The following SYT9 variants were observed in gnomAD, a reference collection of about 807,000 sequenced individuals.
SYT9 encodes synaptotagmin 9.
SYT9 carries 22 observed loss-of-function variants against 48.4 expected under a neutral mutation model. That is an observed-to-expected ratio of 0.45 (90% CI 0.32 to 0.65). The LOEUF (loss-of-function observed/expected upper bound fraction) is 0.65. Ranked by LOEUF, SYT9 falls within the 30% of genes least tolerant of loss-of-function variation. SYT9 has a pLI of 0.03. For synonymous variants in SYT9, 265 were observed against 245.0 expected, an observed-to-expected ratio of 1.08 and a Z score of -0.76; for missense variants, 577 against 622.0, an observed-to-expected ratio of 0.93 and a Z score of 0.77.
At chr11:7,284,796 C>A (rs777221572) in intron 1 of SYT9, among the ~76,000 whole-genome samples, 1 of 152,064 alleles carries the variant, frequency 6.6e-6, no homozygotes, top group Non-Finnish European at 1.5e-5. Flanking sequence ...CTTCAGGGAG[C>A]CTTCTAGGTT....
At chr11:7,249,181 G>A (rs961121506), upstream of SYT9, among the ~76,000 whole-genome samples, 35 of 152,116 alleles carry the variant, frequency 2.3e-4, no homozygotes, top group African/African-American at 8.2e-4. Flanking sequence ...AGAATTTACA[G>A]TTCACTCTAT....
chr11:7,423,503 A>T (rs1221972458), intron 6 of SYT9, among the ~76,000 whole-genome samples: 2 of 152,188 alleles, frequency 1.3e-5, no homozygotes, highest in Non-Finnish European at 2.9e-5. Flanking sequence ...TCATCTGTAA[A>T]GTGGCCATAA....
intron 1 of SYT9, among the ~76,000 whole-genome samples, chr11:7,240,144 C>T (rs1017544389): frequency 6.6e-6 from 1 of 152,010 alleles, no homozygotes; most frequent in Non-Finnish European, 1.5e-5. Context: ...GAGAGTAGTC[C>T]GTGAGAAAAG....
intron 3 of SYT9, among the ~76,000 whole-genome samples, chr11:7,332,205 T>A (rs758304524): frequency 3.5e-4 from 54 of 152,148 alleles, no homozygotes; most frequent in Non-Finnish European, 5.3e-4. Flanking sequence ...CAAGGAGCTC[T>A]GGAGCGTGAA....
intron 3 of SYT9, among the ~76,000 whole-genome samples, chr11:7,346,899 T>C (rs1426264872): frequency 6.6e-6 from 1 of 152,244 alleles, no homozygotes; most frequent in Admixed American, 6.5e-5. Flanking sequence ...CTTGCAATTT[T>C]TATATGGTTG....
chr11:7,461,054 T>C (rs1848226942), intron 6 of SYT9, among the ~76,000 whole-genome samples: 1 of 152,120 alleles, frequency 6.6e-6, no homozygotes, highest in Non-Finnish European at 1.5e-5. Context: ...CTGGTTGGCT[T>C]CTGCTTGCTG....
rs759325666 is a variant in SYT9 at position 7,303,149 on chromosome 11, G to C, written c.256G>C (p.Gly86Arg). The change falls in exon 2 of 7, where the codon GGC (glycine) becomes CGC (arginine). Residue 86 changes from glycine to arginine, a missense_variant. Physicochemically the swap from Gly to Arg is moderately radical, Grantham distance 125. Transcript: ENST00000318881. ...KLCWVPWRERGLPSGSKDNNQ... is the reference protein window; with the variant it reads ...KLCWVPWRERRLPSGSKDNNQ... Reference sequence around the variant, plus strand: ...CTGCTGGGTTCCGTGGCGAGAACGAGGCCTGCCCTCTGGTAGCAAAGACAA... The same window carrying C: ...CTGCTGGGTTCCGTGGCGAGAACGACGCCTGCCCTCTGGTAGCAAAGACAA... 6.2e-7 allele frequency: 1 copy of C among 1,614,160 alleles called. No individual in the cohort carries two copies. The highest frequency in any genetic ancestry group is 8.5e-7 in the Non-Finnish European group (1 of 1,180,036).
chr11:7,250,282 T>C (rs16923875), upstream of SYT9, among the ~76,000 whole-genome samples: 7,375 of 152,312 alleles, frequency 0.048, 306 homozygotes, highest in East Asian at 0.15. Flanking sequence ...AATCAGCTAA[T>C]GCCTTTGGCC....
intron 3 of SYT9, among the ~76,000 whole-genome samples, chr11:7,375,380 G>A (rs1850434506): frequency 6.6e-6 from 1 of 152,066 alleles, no homozygotes; most frequent in Non-Finnish European, 1.5e-5. Flanking sequence ...TTTTTGTTTA[G>A]GATTGTCTTG....
intron 3 of SYT9, among the ~76,000 whole-genome samples, chr11:7,345,864 T>C (rs10769780): frequency 0.24 from 37,131 of 152,192 alleles, 5,066 homozygotes; most frequent in Non-Finnish European, 0.31. Flanking sequence ...AGAATACTAA[T>C]GTTTAGACTT....
rs191475666 is a variant in SYT9, at chr11:7,345,839, A to T, written c.1044+31898A>T. Among the ~76,000 whole-genome samples the T allele has an allele frequency of 2.2e-3, 335 of 152,374 alleles. 3 individuals are homozygous for T. The highest frequency in any genetic ancestry group is 1.4e-3 in the Non-Finnish European group (93 of 68,030). ...GTAGAGTGATAAAAGAGGAGGACAG[A>T]GGTCCAGTTTTTGAAGAATACTAAT... On this transcript the variant is annotated intron_variant, in intron 3 of 6. Transcript: ENST00000318881.
intron 3 of SYT9, among the ~76,000 whole-genome samples, chr11:7,384,149 A>G (rs779777698): frequency 2.0e-5 from 3 of 151,980 alleles, no homozygotes; most frequent in Admixed American, 6.6e-5. Flanking sequence ...ACTTGTGGAG[A>G]TAATTATTCA....
At chr11:7,450,864 A>G (rs965251680) in intron 6 of SYT9, among the ~76,000 whole-genome samples, 2 of 152,238 alleles carry the variant, frequency 1.3e-5, no homozygotes, top group Non-Finnish European at 2.9e-5. Context: ...CTTTGAAGAC[A>G]CAGCTATACC....
At chr11:7,328,889 G>T (rs566601260) in intron 3 of SYT9, among the ~76,000 whole-genome samples, 7 of 152,002 alleles carry the variant, frequency 4.6e-5, no homozygotes, top group African/African-American at 1.7e-4. Flanking sequence ...TTTTTTCTCA[G>T]TATCTATTCT....
intron 3 of SYT9, among the ~76,000 whole-genome samples, chr11:7,364,128 A>G (rs778276818): frequency 1.6e-4 from 25 of 152,182 alleles, no homozygotes; most frequent in African/African-American, 2.7e-4. Flanking sequence ...TTTCTGAGAA[A>G]GCTTAGTGGG....
At chr11:7,295,844 G>T (rs756804606) in intron 1 of SYT9, among the ~76,000 whole-genome samples, 22 of 152,220 alleles carry the variant, frequency 1.4e-4, no homozygotes, top group South Asian at 4.1e-4. Context: ...TTGATTAGTA[G>T]TTCCTTGAGG....
chr11:7,267,187 C>G (rs1848200246), intron 1 of SYT9, among the ~76,000 whole-genome samples: 2 of 151,758 alleles, frequency 1.3e-5, no homozygotes, highest in Non-Finnish European at 1.5e-5. Flanking sequence ...TTTGTTATAA[C>G]TTTATAAATT....
intron 1 of SYT9, among the ~76,000 whole-genome samples, chr11:7,295,819 A>C (rs1024652018): frequency 6.6e-6 from 1 of 152,118 alleles, no homozygotes; most frequent in African/African-American, 2.4e-5. Flanking sequence ...TGCAACTAGC[A>C]CTCTTGAAAT....
chr11:7,462,233 A>G (rs1443848546), intron 6 of SYT9, among the ~76,000 whole-genome samples: 3 of 152,216 alleles, frequency 2.0e-5, no homozygotes, highest in African/African-American at 7.2e-5. Context: ...TTTCAGACTC[A>G]GTTACCTCAC....
Sources: gnomAD v4.1 joint callset for allele counts (sites outside exome capture counted in the v4.1 genomes callset) on GRCh38, gnomAD v4.1.1 for gene constraint, MANE v1.5 for transcripts, NCBI Gene and HGNC (gene_info 2026-07-23, HGNC 2026-07-21) for gene names.